TIMM23B: variants seen among roughly 807,000 people sequenced by gnomAD.
TIMM23B encodes the protein translocase of inner mitochondrial membrane 23 homolog B, also known as mitochondrial import inner membrane translocase subunit Tim23B.
Under a neutral mutation model 27.3 loss-of-function variants are expected in TIMM23B, and 27 were observed. That is an observed-to-expected ratio of 0.99 (90% CI 0.73 to 1.36). The LOEUF (loss-of-function observed/expected upper bound fraction) is 1.36. TIMM23B is among the 40% of genes most tolerant of loss of function. The probability of loss-of-function intolerance (pLI) is 0.00; values close to 1 mark genes in which losing one functional copy is unlikely to be tolerated. For missense variants in TIMM23B, 205 were observed against 244.2 expected, an observed-to-expected ratio of 0.84 and a Z score of 1.07; for synonymous variants, 73 against 92.4, an observed-to-expected ratio of 0.79 and a Z score of 1.21.
intron 6 of TIMM23B, among the ~76,000 whole-genome samples, chr10:49,966,583 T>A (rs1554855478): frequency 6.6e-6 from 1 of 152,042 alleles, no homozygotes; most frequent in Non-Finnish European, 1.5e-5. Flanking sequence ...CCTAGCACTT[T>A]GGGAGGCCGA....
In TIMM23B at chr10:49,950,300, C is replaced by T. The variant is rs1211785802; in HGVS notation, c.166-1826C>T. On this transcript the variant is annotated intron_variant, in intron 2 of 6. Transcript: ENST00000651259. ...TCTGGTACTTGGGATTTTAGTAATACTAGTGTCCTGGAGTGTCAACAGGAC... is the reference window on the plus strand; with the variant it reads ...TCTGGTACTTGGGATTTTAGTAATATTAGTGTCCTGGAGTGTCAACAGGAC... Among the ~76,000 whole-genome samples the T allele has an allele frequency of 2.1e-5, 3 of 143,714 alleles. No individual in the cohort carries two copies. The South Asian group carries it at 6.6e-4, about 32-fold the overall frequency. 94.3% of individuals were successfully genotyped at this position (143,714 alleles called of 152,430 possible).
At chr10:49,965,699 T>C (rs1317384957) in intron 6 of TIMM23B, among the ~76,000 whole-genome samples, 1 of 138,220 alleles carries the variant, frequency 7.2e-6, no homozygotes, top group Non-Finnish European at 1.5e-5. Context: ...AGAAATGAAA[T>C]GATGAAATGA....
chr10:49,967,002 C>T (rs1378116470), intron 6 of TIMM23B, among the ~76,000 whole-genome samples: 7 of 152,134 alleles, frequency 4.6e-5, no homozygotes, highest in South Asian at 2.1e-4. Context: ...TCACTGCCAC[C>T]TCTGCTTCCT....
intron 2 of TIMM23B, among the ~76,000 whole-genome samples, chr10:49,951,805 G>T (rs1839538235): frequency 6.6e-6 from 1 of 152,200 alleles, no homozygotes; most frequent in Non-Finnish European, 1.5e-5. Context: ...CTGGTTGTCT[G>T]TTCTGTTCTT....
chr10:49,955,629 C>T (rs1839690952), intron 5 of TIMM23B, among the ~76,000 whole-genome samples: 1 of 152,168 alleles, frequency 6.6e-6, no homozygotes, highest in African/African-American at 2.4e-5. Context: ...AATGATTGAT[C>T]ACTTACAATA....
chr10:49,967,038 A>G (rs1240054213), intron 6 of TIMM23B, among the ~76,000 whole-genome samples: 5 of 151,806 alleles, frequency 3.3e-5, no homozygotes, highest in South Asian at 2.1e-4. Flanking sequence ...TCCCATCTCA[A>G]CCTCCCAAGA....
At chr10:49,971,232 T>C (rs1270649230) in intron 6 of TIMM23B, among the ~76,000 whole-genome samples, 1 of 151,698 alleles carries the variant, frequency 6.6e-6, no homozygotes, top group Non-Finnish European at 1.5e-5. Context: ...CCAGAGACCC[T>C]TGTTCACATG....
chr10:49,951,698 T>G (rs1240488267), intron 2 of TIMM23B, among the ~76,000 whole-genome samples: 19 of 152,318 alleles, frequency 1.2e-4, no homozygotes, highest in African/African-American at 4.1e-4. Flanking sequence ...TTGTACTTTA[T>G]TAGTTTTTGC....
At chr10:49,947,923 GTCTCAAAA>G (rs1839405657) in intron 2 of TIMM23B, among the ~76,000 whole-genome samples, 1 of 152,124 alleles carries the variant, frequency 6.6e-6, no homozygotes, top group Non-Finnish European at 1.5e-5. Context: ...GAGAGACTTT[GTCTCAAAA>G]GGAAAAAAAT....
chr10:49,970,355 T>TCGGCCCGGCCA (rs1443054128), intron 6 of TIMM23B: 1 of 169,412 alleles, frequency 5.9e-6, no homozygotes, highest in Non-Finnish European at 1.2e-5. Context: ...GAGGAGCGTC[T>TCGGCCCGGCCA]CGGCCCGGCC....
At chr10:49,954,926 A>C in intron 4 of TIMM23B, 76 bp from the exon 5 acceptor site, 12 of 1,574,012 alleles carry the variant, frequency 7.6e-6, no homozygotes, top group Non-Finnish European at 1.0e-5. Flanking sequence ...CATGTTAAAT[A>C]GCCATTATTG....
rs1229729045 is a variant in TIMM23B, at chr10:49,962,234, T to C, written c.514+3754T>C. On this transcript the variant is annotated intron_variant, in intron 6 of 6. Coordinates refer to ENST00000651259, the MANE Select transcript of TIMM23B (RefSeq NM_001290117.2). ...TTTTTTTTTTTTTTAAACGGAGTTTTGCTCTGTCGCCAGGCTGCGGTGCAG... is the reference window on the plus strand; with the variant it reads ...TTTTTTTTTTTTTTAAACGGAGTTTCGCTCTGTCGCCAGGCTGCGGTGCAG... 2.6e-5 allele frequency among the ~76,000 whole-genome samples: 4 copies of C among 151,792 alleles called. No individual in the cohort carries two copies. In the East Asian group the frequency reaches 7.7e-4, roughly 29 times the overall value.
intron 6 of TIMM23B, 140 bp from the exon 7 acceptor site, chr10:49,972,872 A>G: frequency 1.5e-6 from 1 of 685,700 alleles, no homozygotes; most frequent in South Asian, 1.7e-5. Flanking sequence ...TCAGATAGAG[A>G]CATGCATGTT....
At chr10:49,953,137 G>A (rs2133065831) in intron 4 of TIMM23B, among the ~76,000 whole-genome samples, 1 of 152,222 alleles carries the variant, frequency 6.6e-6, no homozygotes, top group South Asian at 2.1e-4. Context: ...AAGTAAACAT[G>A]GCCAGTCCCT....
At chr10:49,950,200 CTTT>C (rs1169522720) in intron 2 of TIMM23B, among the ~76,000 whole-genome samples, 12 of 117,956 alleles carry the variant, frequency 1.0e-4, no homozygotes, top group Non-Finnish European at 1.1e-4. Context: ...AAAGTTTTTT[CTTT>C]TTTTTTTTTT....
intron 2 of TIMM23B, among the ~76,000 whole-genome samples, chr10:49,950,486 AC>A: frequency 6.8e-6 from 1 of 146,594 alleles, no homozygotes; most frequent in African/African-American, 2.5e-5. Context: ...GCTAACGTGC[AC>A]TTTTGCTTGC....
At chr10:49,966,598 G>A (rs1321809477) in intron 6 of TIMM23B, among the ~76,000 whole-genome samples, 25 of 152,094 alleles carry the variant, frequency 1.6e-4, no homozygotes, top group Admixed American at 3.3e-4. Flanking sequence ...GGCCGAGGCA[G>A]GTGGATCACC....
At chr10:49,966,155 C>G (rs1840146706) in intron 6 of TIMM23B, among the ~76,000 whole-genome samples, 1 of 148,196 alleles carries the variant, frequency 6.7e-6, no homozygotes, top group Admixed American at 6.8e-5. Flanking sequence ...TGCACTCCAG[C>G]TTGCGCGGTA....
At chr10:49,967,503 T>C (rs1840216363) in intron 6 of TIMM23B, among the ~76,000 whole-genome samples, 2 of 150,408 alleles carry the variant, frequency 1.3e-5, no homozygotes, top group Admixed American at 1.3e-4. Context: ...TTTCGAGTTA[T>C]TAAGACAGGA....
Sources: allele counts gnomAD v4.1 joint callset (sites outside exome capture counted in the v4.1 genomes callset), GRCh38; gene constraint gnomAD v4.1.1; transcripts MANE v1.5; gene names NCBI Gene and HGNC (gene_info 2026-07-23, HGNC 2026-07-21).